Variants in ITPR1 observed in about 807,000 individuals in gnomAD.
The protein encoded by ITPR1 is inositol 1,4,5-trisphosphate receptor type 1.
Under a neutral mutation model 318.4 loss-of-function variants are expected in ITPR1, and 96 were observed. The observed-to-expected ratio is 0.30, with a 90% CI of 0.26 to 0.36. ITPR1 has a LOEUF of 0.36. Among genes scored for constraint, ITPR1 ranks in the 10% least tolerant of loss-of-function variants. The pLI, the probability that ITPR1 is intolerant of heterozygous loss-of-function variation, is 1.00. For synonymous variants in ITPR1, 1,312 were observed against 1,289.9 expected (o/e 1.02, Z -0.37); for missense variants, 2,440 against 3,460.2 (o/e 0.71, Z 7.40).
intron 59 of ITPR1, 56 bp from the exon 60 acceptor site, chr3:4,818,026 T>G: frequency 2.0e-6 from 3 of 1,473,222 alleles, no homozygotes; most frequent in Non-Finnish European, 1.8e-6. Flanking sequence ...TTATTGATTT[T>G]TTTTCTTTAC....
At chr3:4,712,485 C>T (rs1356747359) in intron 39 of ITPR1, among the ~76,000 whole-genome samples, 1 of 152,224 alleles carries the variant, frequency 6.6e-6, no homozygotes, top group Non-Finnish European at 1.5e-5. Flanking sequence ...TTTCAGCCCC[C>T]AGCAACAAAT....
chr3:4,736,159 G>A (rs867696629), intron 44 of ITPR1, among the ~76,000 whole-genome samples: 16 of 148,516 alleles, frequency 1.1e-4, no homozygotes, highest in African/African-American at 3.5e-4. Context: ...TTTTTTGGAC[G>A]TGTATCTATG....
intron 60 of ITPR1, among the ~76,000 whole-genome samples, chr3:4,824,257 G>A (rs998994874): frequency 2.6e-5 from 4 of 152,204 alleles, no homozygotes; most frequent in Non-Finnish European, 5.9e-5. Context: ...GGAATAGCTC[G>A]TGTGTAATCA....
intron 44 of ITPR1, among the ~76,000 whole-genome samples, chr3:4,760,610 TACTAG>T (rs1429802513): frequency 6.6e-6 from 1 of 152,236 alleles, no homozygotes; most frequent in African/African-American, 2.4e-5. Context: ...ACATGAGTCT[TACTAG>T]ACTAGACTAA....
At chr3:4,520,880 G>T (rs1220340951) in intron 3 of ITPR1, 144 bp from the exon 4 acceptor site, 1 of 674,978 alleles carries the variant, frequency 1.5e-6, no homozygotes, top group African/African-American at 1.8e-5. Flanking sequence ...TGCATAGGAA[G>T]CCTCTAGTGT....
At position 4,559,306 on chromosome 3, in the gene ITPR1, T is replaced by C. The variant is rs564845523; in HGVS notation, c.163+38212T>C. On this transcript the variant is annotated intron_variant, in intron 4 of 61. Transcript: ENST00000649015. The stretch of plus-strand genomic sequence containing the variant: ...TTTTCCTTTTTATCATGCCATTGAC[T>C]TACTGAATAATATTTGATGTTAAAA... 1.6e-3 allele frequency among the ~76,000 whole-genome samples: 237 copies of C among 152,294 alleles called. 1 individual carries two copies. Among genetic ancestry groups the C allele is most frequent in the African/African-American group, 5.3e-3 (220 of 41,570 alleles).
intron 36 of ITPR1, 137 bp downstream of exon 36, chr3:4,703,087 C>G (rs560761507): frequency 1.1e-6 from 1 of 948,664 alleles, no homozygotes. Context: ...GACCCGGAAC[C>G]AAGGTCTTCT....
rs542591239 is a variant in ITPR1 at position 4,702,884 on chromosome 3, T to G, written c.4591T>G (p.Cys1531Gly). ...GCAAGGCGTGTTCAGGGTTTACCACTGCAACTGGTTAATGCCAAGCCAAAA... is the reference window on the plus strand; with the variant it reads ...GCAAGGCGTGTTCAGGGTTTACCACGGCAACTGGTTAATGCCAAGCCAAAA... ...LLQGVFRVYH[C>G]NWLMPSQKAS... is the part of the protein sequence containing the mutation. The change falls in exon 36 of 62, where the codon TGC becomes GGC. Residue 1531 changes from cysteine to glycine, a missense_variant. Coordinates refer to ENST00000649015, the MANE Select transcript of ITPR1 (RefSeq NM_001378452.1). 2 of 1,613,982 alleles carry G rather than the reference T, an allele frequency of 1.2e-6. No individual in the cohort carries two copies. The highest frequency in any genetic ancestry group is 2.2e-5 in the South Asian group (2 of 91,066).
At chr3:4,619,819 T>TG in intron 4 of ITPR1, among the ~76,000 whole-genome samples, 1 of 94,416 alleles carries the variant, frequency 1.1e-5, no homozygotes. Flanking sequence ...TGCCCTCCCC[T>TG]CCCCTCCTCT....
chr3:4,543,173 G>T (rs532275967), intron 4 of ITPR1, among the ~76,000 whole-genome samples: 14 of 152,086 alleles, frequency 9.2e-5, no homozygotes, highest in African/African-American at 3.4e-4. Context: ...GACAGGCTTA[G>T]GTGGGAGGAT....
chr3:4,802,791 T>C (rs1263054861), intron 54 of ITPR1, among the ~76,000 whole-genome samples: 2 of 151,460 alleles, frequency 1.3e-5, no homozygotes, highest in African/African-American at 4.9e-5. Context: ...ATGGTGCCAC[T>C]TCACTCCAGC....
intron 39 of ITPR1, among the ~76,000 whole-genome samples, chr3:4,712,467 CCCTTT>C (rs1295004413): frequency 6.6e-6 from 1 of 152,240 alleles, no homozygotes; most frequent in African/African-American, 2.4e-5. Flanking sequence ...CAATGTCATT[CCCTTT>C]CCTTTCAGCC....
chr3:4,516,709 C>G (rs958851519), intron 3 of ITPR1, 126 bp downstream of exon 3: 2 of 683,554 alleles, frequency 2.9e-6, no homozygotes, highest in African/African-American at 3.8e-5. Context: ...CGGTTGAAAT[C>G]ACAAACACCA....
At chr3:4,588,661 A>G (rs2090129614) in intron 4 of ITPR1, among the ~76,000 whole-genome samples, 1 of 152,104 alleles carries the variant, frequency 6.6e-6, no homozygotes, top group Non-Finnish European at 1.5e-5. Context: ...TCCAGTGCCC[A>G]TCTGTCTCCC....
At chr3:4,827,417 T>A (rs17041494) in intron 60 of ITPR1, among the ~76,000 whole-genome samples, 169 of 152,374 alleles carry the variant, frequency 1.1e-3, no homozygotes, top group African/African-American at 4.0e-3. Flanking sequence ...TATGACTGTC[T>A]ACATCAGGTA....
Position 4,800,569 on chromosome 3 carries a change from A to C in ITPR1, c.7076A>C (p.Gln2359Pro). ...CGACTGATATTTTCAGTCGGGTTAC[A>C]ACCCACGTTGTTTCTTCTGGGCGCT... ...ILRLIFSVGL[Q>P]PTLFLLGAFN... The change falls in exon 54 of 62, where the codon CAA (glutamine) becomes CCA (proline). Residue 2359 changes from glutamine to proline, a missense_variant. Gln to Pro is a moderately conservative substitution (Grantham distance 76). This residue lies in a region of ITPR1 where 126 missense variants were observed against 150.8 expected (regional missense o/e 0.84). Transcript: ENST00000649015. 6.2e-7 allele frequency: 1 copy of C among 1,614,000 alleles called. No homozygotes were observed. Among genetic ancestry groups the C allele is most frequent in the Non-Finnish European group, 8.5e-7 (1 of 1,179,888 alleles).
At position 4,775,294 on chromosome 3, in the gene ITPR1, C is replaced by T. The variant is rs759527099; in HGVS notation, c.6032C>T (p.Thr2011Ile). The change falls in exon 47 of 62, where the codon ACC (threonine) becomes ATC (isoleucine). Residue 2011 changes from threonine to isoleucine, a missense_variant. Thr to Ile is a moderately conservative substitution (Grantham distance 89, BLOSUM62 -1). Around this residue, in one of 23 missense-constraint regions of ITPR1, gnomAD observed 76 missense variants for 162.1 expected, o/e 0.47. Transcript: ENST00000649015. ...ACCAACTACAATTTGGTATGTGAGA[C>T]CCTGCAGTTTCTGGACTGTATTTGT... ...NKTNYNLVCE[T>I]LQFLDCICGS... 6.2e-7 allele frequency: 1 copy of T among 1,614,104 alleles called. No homozygotes were observed. The highest frequency in any genetic ancestry group is 8.5e-7 in the Non-Finnish European group (1 of 1,179,936).
At chr3:4,814,201 A>G (rs775031456) in intron 57 of ITPR1, 34 of 554,538 alleles carry the variant, frequency 6.1e-5, no homozygotes, top group Non-Finnish European at 9.1e-5. Flanking sequence ...AGGGAGAGCA[A>G]TACTACCATA....
intron 2 of ITPR1, among the ~76,000 whole-genome samples, chr3:4,504,329 G>GT (rs1443258270): frequency 1.3e-5 from 2 of 152,162 alleles, no homozygotes; most frequent in African/African-American, 2.4e-5. Flanking sequence ...AATGAGCAAC[G>GT]TTGTATTATA....
Sources: gnomAD v4.1 joint callset for allele counts (sites outside exome capture counted in the v4.1 genomes callset) on GRCh38, gnomAD v4.1.1 for gene constraint, gnomAD v4.1.1 regional missense constraint, MANE v1.5 for transcripts, NCBI Gene and HGNC (gene_info 2026-07-23, HGNC 2026-07-21) for gene names.